VARS1: variants seen among roughly 807,000 people sequenced by gnomAD.
The protein encoded by VARS1 is valyl-tRNA synthetase 1.
A neutral mutation model predicts 161.0 loss-of-function variants in VARS1; 92 were observed. That is an observed-to-expected ratio of 0.57 (90% CI 0.48 to 0.68). The LOEUF is 0.68. Ranked by LOEUF, VARS1 falls within the 30% of genes least tolerant of loss-of-function variation. The pLI, the probability that VARS1 is intolerant of heterozygous loss-of-function variation, is 0.00. For synonymous variants in VARS1, 595 were observed against 682.5 expected, an observed-to-expected ratio of 0.87 and a Z score of 2.00; for missense variants, 1,338 against 1,695.9, an observed-to-expected ratio of 0.79 and a Z score of 3.71.
Position 31,777,857 on chromosome 6 carries a change from T to C in VARS1, c.3727-195A>G. 1.6e-6 allele frequency: 1 copy of C among 624,840 alleles called. No homozygotes were observed. Among genetic ancestry groups the C allele is most frequent in the Non-Finnish European group, 2.8e-6 (1 of 355,912 alleles). The allele number at this position is 624,840 out of a possible 1,614,324, so 38.7% of individuals were successfully genotyped here. On this transcript the variant is annotated intron_variant, in intron 29 of 29. Transcript: ENST00000375663. The surrounding 1 kb of genome is among the most constrained non-coding windows in gnomAD (Gnocchi z 5.8). Reference sequence around the variant, plus strand: ...ACTTCCACCACCACCTCTTGGGTCTTGCCTTTTTCCACCAAGTGGTGAGTC... The same window carrying C: ...ACTTCCACCACCACCTCTTGGGTCTCGCCTTTTTCCACCAAGTGGTGAGTC...
rs1006815876 is a variant in VARS1 at position 31,779,608 on chromosome 6, C to A, written c.3288G>T (p.Glu1096Asp). The A allele has an allele frequency of 1.9e-6, 3 of 1,612,460 alleles. No individual in the cohort carries two copies. The highest frequency in any genetic ancestry group is 3.3e-5 in the Admixed American group (2 of 60,018). ...CTCCCCTCTCCAGGCCATGCCATAC[C>A]TCTGAGGGCTCCGGGTAGGGGGTAA... Reference protein sequence around the residue: ...LCVTPYPEPSECSWKDPEAEA... With the variant: ...LCVTPYPEPSDCSWKDPEAEA... Residue 1096 changes from glutamate (E) to aspartate (D), a missense_variant and splice_region_variant, in exon 27 of 30, where the codon GAG becomes GAT. Around this residue, in one of 3 missense-constraint regions of VARS1, gnomAD observed 433 missense variants for 586.2 expected, o/e 0.74. Transcript: ENST00000375663. This position sits in a 1 kb window ranked among gnomAD's most constrained non-coding sequence, Gnocchi z 9.1.
chr6:31,793,202 C>A, intron 2 of VARS1, 82 bp from the exon 3 acceptor site: 1 of 1,490,362 alleles, frequency 6.7e-7, no homozygotes, highest in Non-Finnish European at 8.9e-7. Flanking sequence ...TGGCCTCCCT[C>A]CACCCCACTC....
At chr6:31,788,669 C>T (rs1361035170) in intron 8 of VARS1, among the ~76,000 whole-genome samples, 4 of 148,012 alleles carry the variant, frequency 2.7e-5, no homozygotes, top group Non-Finnish European at 6.0e-5. Context: ...ATTAGCCAGG[C>T]GTGGTGGCGG....
chr6:31,787,112 A>G (rs1057481192), intron 8 of VARS1, among the ~76,000 whole-genome samples: 1 of 150,894 alleles, frequency 6.6e-6, no homozygotes, highest in Non-Finnish European at 1.5e-5. Flanking sequence ...CTTTGTTCCC[A>G]GCTACTTGGG....
In VARS1 at chr6:31,785,864, G is replaced by A. The variant is rs896973547; in HGVS notation, c.1101-131C>T. Reference sequence around the variant, plus strand: ...AGGGAGGCCGGACGCGGTGGCTCACGCCTGTAATCCCAGAACTTTGGGAGG... The same window carrying A: ...AGGGAGGCCGGACGCGGTGGCTCACACCTGTAATCCCAGAACTTTGGGAGG... On this transcript the variant is annotated intron_variant, in intron 8 of 29. Coordinates refer to ENST00000375663, the MANE Select transcript of VARS1 (RefSeq NM_006295.3). The surrounding 1 kb of genome is among the most constrained non-coding windows in gnomAD (Gnocchi z 6.1). The A allele has an allele frequency of 3.4e-5, 40 of 1,192,488 alleles. No homozygotes were observed. Among genetic ancestry groups the A allele is most frequent in the African/African-American group, 6.2e-5 (4 of 64,414 alleles). 73.9% of individuals were successfully genotyped at this position (1,192,488 alleles called of 1,614,324 possible).
intron 8 of VARS1, among the ~76,000 whole-genome samples, chr6:31,786,776 C>T (rs1427924209): frequency 1.3e-5 from 2 of 151,376 alleles, no homozygotes; most frequent in Non-Finnish European, 2.9e-5. Flanking sequence ...AAAATAGTAC[C>T]TGGAAACAGA....
In VARS1 at chr6:31,795,085, G is replaced by A. The variant is rs1172492958; in HGVS notation, c.133C>T (p.Pro45Ser). The stretch of plus-strand genomic sequence containing the variant: ...GGAAAGGGAGTCCTGCTAGTCGGGG[G>A]TGGCTGGAGACAGATGCGGGGGTGG... ...GAHPRICLQP[P>S]PTSRTPFPPP... Residue 45 changes from proline (P) to serine (S), a missense_variant, in exon 2 of 30, where the codon CCC becomes TCC. Physicochemically the swap from Pro to Ser is moderately conservative, Grantham distance 74 (BLOSUM62 -1). This residue lies in a region of VARS1 where 902 missense variants were observed against 1,090.3 expected (regional missense o/e 0.83). Transcript: ENST00000375663. This position sits in a 1 kb window ranked among gnomAD's most constrained non-coding sequence, Gnocchi z 6.9. 2.0e-6 allele frequency: 3 copies of A among 1,504,878 alleles called. No homozygotes were observed. Among genetic ancestry groups the A allele is most frequent in the Admixed American group, 2.4e-5 (1 of 42,356 alleles). The allele number at this position is 1,504,878 out of a possible 1,614,324, so 93.2% of individuals were successfully genotyped here. A position where few individuals can be genotyped will look rare whatever the true frequency, so the allele number is the denominator to read the frequency against.
rs913918816 is a variant in VARS1 at position 31,792,650 on chromosome 6, G to A, written c.661+107C>T. Reference sequence around the variant, plus strand: ...ACCTCCCCCCTCTCCCTCCTCTCCCGCAGGACCCTGCCCCAGTGATTCTGC... The same window carrying A: ...ACCTCCCCCCTCTCCCTCCTCTCCCACAGGACCCTGCCCCAGTGATTCTGC... On this transcript the variant is annotated intron_variant, in intron 4 of 29. Transcript: ENST00000375663. 26 of 1,592,488 alleles carry A rather than the reference G, an allele frequency of 1.6e-5. 1 individual carries two copies. The African/African-American group carries it at 2.2e-4, about 13-fold the overall frequency.
intron 8 of VARS1, among the ~76,000 whole-genome samples, chr6:31,789,330 G>A (rs944623990): frequency 2.6e-5 from 4 of 152,116 alleles, no homozygotes; most frequent in Admixed American, 6.5e-5. Context: ...ATTCACATAT[G>A]GGTAAACCTG....
rs534308519 is a variant in VARS1 at position 31,795,284 on chromosome 6, G to A, written c.-33-34C>T. ...AAAGAGAGACAGGGGAAGACTGCGG[G>A]ATCGAGGTGGGTCCTATGTTTGAGT... On this transcript the variant is annotated intron_variant, in intron 1 of 29. Coordinates refer to ENST00000375663, the MANE Select transcript of VARS1 (RefSeq NM_006295.3). The surrounding 1 kb of genome is among the most constrained non-coding windows in gnomAD (Gnocchi z 6.9). 341 of 1,341,430 alleles carry A rather than the reference G, an allele frequency of 2.5e-4. No individual in the cohort carries two copies. Among genetic ancestry groups the A allele is most frequent in the Non-Finnish European group, 3.2e-4 (328 of 1,040,630 alleles). The allele number at this position is 1,341,430 out of a possible 1,614,324, so 83.1% of individuals were successfully genotyped here.
In VARS1 at chr6:31,780,146, C is replaced by A. The variant is rs771173208; in HGVS notation, c.2933G>T (p.Gly978Val). 1 of 1,613,480 alleles carries A rather than the reference C, an allele frequency of 6.2e-7. No individual in the cohort carries two copies. The highest frequency in any genetic ancestry group is 1.1e-5 in the South Asian group (1 of 91,072). Residue 978 changes from glycine (G) to valine (V), a missense_variant, in exon 26 of 30, where the codon GGC becomes GTC. Transcript: ENST00000375663. The surrounding 1 kb of genome is among the most constrained non-coding windows in gnomAD (Gnocchi z 5.1). ...CCAGCGGTCCACCAGGCTCTCATGGCCTCCGGGCTTGGGGAGAGAGGGTGT... is the reference window on the plus strand; with the variant it reads ...CCAGCGGTCCACCAGGCTCTCATGGACTCCGGGCTTGGGGAGAGAGGGTGT... ...FVPSPTSQPG[G>V]HESLVDRWIR...
rs1813457760 is a variant in VARS1, at chr6:31,785,730, G to A, written c.1104C>T (p.His368=). Reference sequence around the variant, plus strand: ...ACAGGGTGGTCTCCCCACGCATGCGGTGCCTGTTAGGGGGCATGGAGGACC... The same window carrying A: ...ACAGGGTGGTCTCCCCACGCATGCGATGCCTGTTAGGGGGCATGGAGGACC... ...NAIQDSLTRW[H]RMRGETTLWN... The change falls in exon 9 of 30, where the codon CAC becomes CAT. Residue 368 remains histidine (H), a synonymous_variant. Coordinates refer to ENST00000375663, the MANE Select transcript of VARS1 (RefSeq NM_006295.3). This position sits in a 1 kb window ranked among gnomAD's most constrained non-coding sequence, Gnocchi z 6.1. 2 of 1,609,498 alleles carry A rather than the reference G, an allele frequency of 1.2e-6. No individual in the cohort carries two copies. The highest frequency in any genetic ancestry group is 1.1e-5 in the South Asian group (1 of 90,708).
intron 8 of VARS1, among the ~76,000 whole-genome samples, chr6:31,786,147 C>G (rs941283562): frequency 1.2e-4 from 18 of 152,140 alleles, no homozygotes; most frequent in African/African-American, 4.3e-4. Context: ...GTAATCCCAG[C>G]TACTTGGAAG....
Position 31,784,524 on chromosome 6 carries a change from GC to G in VARS1, c.1468-23del. ...CCACCTGTAAAATGGGTATTTAGAG[GC>G]GTGGCCCAGGGGCCAGGGCCAGGGC... On this transcript the variant is annotated intron_variant, in intron 11 of 29. Coordinates refer to ENST00000375663, the MANE Select transcript of VARS1 (RefSeq NM_006295.3). The surrounding 1 kb of genome is among the most constrained non-coding windows in gnomAD (Gnocchi z 6.1). 6.2e-7 allele frequency: 1 copy of G among 1,613,856 alleles called. No individual in the cohort carries two copies. Among genetic ancestry groups the G allele is most frequent in the Non-Finnish European group, 8.5e-7 (1 of 1,180,042 alleles).
At chr6:31,794,093 C>CAAAA (rs33960246) in intron 2 of VARS1, among the ~76,000 whole-genome samples, 8 of 71,124 alleles carry the variant, frequency 1.1e-4, no homozygotes, top group Middle Eastern at 8.2e-3. Context: ...GATTCTGTCT[C>CAAAA]AAAAAAAAAA....
At position 31,780,381 on chromosome 6, in the gene VARS1, T is replaced by C; in HGVS notation, c.2925+60A>G. On this transcript the variant is annotated intron_variant, in intron 25 of 29. Coordinates refer to ENST00000375663, the MANE Select transcript of VARS1 (RefSeq NM_006295.3). This position sits in a 1 kb window ranked among gnomAD's most constrained non-coding sequence, Gnocchi z 5.1. ...GTCCCCCCAGCTACATGGAGGCTGCTCCGGACAGGGGTACAGCCTGTGTGA... is the reference window on the plus strand; with the variant it reads ...GTCCCCCCAGCTACATGGAGGCTGCCCCGGACAGGGGTACAGCCTGTGTGA... The C allele has an allele frequency of 6.3e-7, 1 of 1,576,112 alleles. No individual in the cohort carries two copies. Among genetic ancestry groups the C allele is most frequent in the Non-Finnish European group, 8.6e-7 (1 of 1,160,484 alleles).
At position 31,783,194 on chromosome 6, in the gene VARS1, C is replaced by A; in HGVS notation, c.1672-8G>T. The A allele has an allele frequency of 1.2e-6, 2 of 1,611,542 alleles. No individual in the cohort carries two copies. The highest frequency in any genetic ancestry group is 1.7e-6 in the Non-Finnish European group (2 of 1,179,392). ...GTTCTTCCCCTTCAGGTGCTGGGGG[C>A]GGAAAGATACCAAAAACGCATGAAG... On this transcript the variant is annotated splice_polypyrimidine_tract_variant and splice_region_variant and intron_variant, in intron 13 of 29. Transcript: ENST00000375663.
At position 31,784,348 on chromosome 6, in the gene VARS1, C is replaced by T. The variant is rs757167251; in HGVS notation, c.1577-40G>A. On this transcript the variant is annotated intron_variant, in intron 12 of 29. Coordinates refer to ENST00000375663, the MANE Select transcript of VARS1 (RefSeq NM_006295.3). This position sits in a 1 kb window ranked among gnomAD's most constrained non-coding sequence, Gnocchi z 6.1. ...GGCCTTGTGGTCTTGGCCTTGGCCC[C>T]TTCCTGCCACTCCCAGCCCAGGATC... The T allele has an allele frequency of 6.2e-7, 1 of 1,614,086 alleles. No homozygotes were observed. The highest frequency in any genetic ancestry group is 8.5e-7 in the Non-Finnish European group (1 of 1,180,040).
intron 8 of VARS1, among the ~76,000 whole-genome samples, chr6:31,786,648 AGAGT>A (rs1417340670): frequency 7.2e-6 from 1 of 138,530 alleles, no homozygotes; most frequent in Non-Finnish European, 1.5e-5. Flanking sequence ...CCCGGATGAC[AGAGT>A]GAGACTCTGT....
Sources: allele counts gnomAD v4.1 joint callset (sites outside exome capture counted in the v4.1 genomes callset), GRCh38; gene constraint gnomAD v4.1.1; regional missense constraint gnomAD v4.1.1; non-coding constraint Gnocchi (gnomAD v3.1); transcripts MANE v1.5; gene names NCBI Gene and HGNC (gene_info 2026-07-23, HGNC 2026-07-21).